TLE4: variants seen among roughly 807,000 people sequenced by gnomAD.
TLE4 encodes the protein TLE family member 4, transcriptional corepressor.
In TLE4, 8 loss-of-function variants were observed where a neutral mutation model predicts 92.8. The ratio of observed to expected loss-of-function variants is 0.09; its 90% CI spans 0.05 to 0.16. TLE4 has a LOEUF of 0.16. TLE4 is among the 10% of genes least tolerant of loss of function. The pLI, the probability that TLE4 is intolerant of heterozygous loss-of-function variation, is 1.00. For synonymous variants in TLE4, 371 were observed against 374.1 expected, an observed-to-expected ratio of 0.99 and a Z score of 0.10; for missense variants, 675 against 997.6, an observed-to-expected ratio of 0.68 and a Z score of 4.36.
At chr9:79,589,886 G>A (rs1164946580) in intron 4 of TLE4, among the ~76,000 whole-genome samples, 1 of 152,180 alleles carries the variant, frequency 6.6e-6, no homozygotes, top group Admixed American at 6.5e-5. Flanking sequence ...TTAGGGCAAA[G>A]TACATTATAT....
chr9:79,585,845 C>G (rs965400442), intron 4 of TLE4, among the ~76,000 whole-genome samples: 1 of 151,834 alleles, frequency 6.6e-6, no homozygotes, highest in Non-Finnish European at 1.5e-5. Flanking sequence ...AGCATTCCCC[C>G]CGTCCTGTGG....
intron 6 of TLE4, among the ~76,000 whole-genome samples, chr9:79,638,997 C>G (rs2056585264): frequency 6.6e-6 from 1 of 152,134 alleles, no homozygotes; most frequent in Admixed American, 6.6e-5. Flanking sequence ...GGGCAAGTGA[C>G]CCTATCCAGG....
chr9:79,716,211 A>G (rs1489681481), intron 14 of TLE4, among the ~76,000 whole-genome samples: 1 of 152,064 alleles, frequency 6.6e-6, no homozygotes, highest in Non-Finnish European at 1.5e-5. Flanking sequence ...TATGCTCTCC[A>G]CCGAATGCAC....
At chr9:79,633,927 G>A (rs2055018340) in intron 6 of TLE4, among the ~76,000 whole-genome samples, 1 of 152,162 alleles carries the variant, frequency 6.6e-6, no homozygotes, top group Non-Finnish European at 1.5e-5. Flanking sequence ...CAAGCACTTA[G>A]GTGAGGTTTT....
intron 6 of TLE4, among the ~76,000 whole-genome samples, chr9:79,630,709 C>T (rs1321722264): frequency 6.6e-6 from 1 of 152,112 alleles, no homozygotes; most frequent in Admixed American, 6.5e-5. Context: ...GTTTTCATTT[C>T]CTGTATTATT....
At chr9:79,721,615 CAT>C (rs2075657404) in intron 16 of TLE4, 124 bp from the exon 17 acceptor site, 1 of 1,412,960 alleles carries the variant, frequency 7.1e-7, no homozygotes. Context: ...AATTAGAAAC[CAT>C]AATAAACCAA....
intron 11 of TLE4, chr9:79,707,219 G>T: frequency 6.2e-7 from 1 of 1,611,846 alleles, no homozygotes; most frequent in Non-Finnish European, 8.5e-7. Flanking sequence ...GTGGTTTATG[G>T]TAAATTTAGT....
chr9:79,688,297 GT>G (rs928253156), intron 8 of TLE4, among the ~76,000 whole-genome samples: 1 of 152,102 alleles, frequency 6.6e-6, no homozygotes, highest in Non-Finnish European at 1.5e-5. Context: ...AGGTTACATA[GT>G]TTTTGTGACT....
intron 6 of TLE4, among the ~76,000 whole-genome samples, chr9:79,629,270 A>G (rs2053561472): frequency 6.6e-6 from 1 of 152,182 alleles, no homozygotes; most frequent in African/African-American, 2.4e-5. Flanking sequence ...AGCTAAATAA[A>G]AAACACTTTG....
At chr9:79,624,231 C>T (rs985724653) in intron 5 of TLE4, among the ~76,000 whole-genome samples, 3 of 149,716 alleles carry the variant, frequency 2.0e-5, no homozygotes, top group Non-Finnish European at 4.4e-5. Context: ...CTTTGGGCTT[C>T]CTTGCATGTT....
At chr9:79,684,589 C>G (rs2065414345) in intron 8 of TLE4, among the ~76,000 whole-genome samples, 1 of 152,212 alleles carries the variant, frequency 6.6e-6, no homozygotes, top group Non-Finnish European at 1.5e-5. Context: ...AACCAAACCA[C>G]TACCGCCACC....
chr9:79,703,587 C>T (rs767438741), intron 8 of TLE4, among the ~76,000 whole-genome samples: 1 of 152,168 alleles, frequency 6.6e-6, no homozygotes, highest in Non-Finnish European at 1.5e-5. Flanking sequence ...TCTTGTCACC[C>T]ACGTCTCTTG....
rs1224394017 is a variant in TLE4 at position 79,708,601 on chromosome 9, C to G, written c.1078C>G (p.Leu360Val). The G allele has an allele frequency of 1.4e-5, 22 of 1,612,462 alleles. No homozygotes were observed. Among genetic ancestry groups the G allele is most frequent in the East Asian group, 4.5e-5 (2 of 44,832 alleles). ...PPGVDPLASSLRTPMAVPCPY... is the reference protein window; with the variant it reads ...PPGVDPLASSVRTPMAVPCPY... ...TCCATTTTGGTTTGCAGCCTCAAGC[C>G]TAAGGACCCCAATGGCAGTACCTTG... Residue 360 changes from leucine (L) to valine (V), a missense_variant, in exon 13 of 20, where the codon CTA becomes GTA. Transcript: ENST00000376552.
chr9:79,632,256 G>A (rs528605509), intron 6 of TLE4, among the ~76,000 whole-genome samples: 19 of 152,290 alleles, frequency 1.2e-4, no homozygotes, highest in African/African-American at 3.6e-4. Context: ...AATGCTCCCC[G>A]CATTCTCTGG....
chr9:79,692,857 G>C (rs949816133), intron 8 of TLE4, among the ~76,000 whole-genome samples: 1 of 152,146 alleles, frequency 6.6e-6, no homozygotes, highest in Non-Finnish European at 1.5e-5. Flanking sequence ...TCAGGGGTTA[G>C]GTTTCACCAT....
chr9:79,628,911 T>C (rs2053443435), intron 6 of TLE4, among the ~76,000 whole-genome samples: 1 of 148,894 alleles, frequency 6.7e-6, no homozygotes, highest in Admixed American at 6.6e-5. Context: ...TGTGTGTGTA[T>C]ATGTATAAAC....
chr9:79,632,791 T>A (rs941833284), intron 6 of TLE4, among the ~76,000 whole-genome samples: 1 of 152,220 alleles, frequency 6.6e-6, no homozygotes, highest in South Asian at 2.1e-4. Context: ...TATCAGAGAT[T>A]GTTATTTCAG....
chr9:79,679,267 C>A (rs964226207), intron 8 of TLE4, among the ~76,000 whole-genome samples: 8 of 152,054 alleles, frequency 5.3e-5, no homozygotes, highest in South Asian at 2.1e-4. Flanking sequence ...ATTTCTCCAC[C>A]TCCTCTCCAA....
chr9:79,625,558 A>G (rs945787554), intron 5 of TLE4, among the ~76,000 whole-genome samples: 7 of 151,554 alleles, frequency 4.6e-5, no homozygotes, highest in Admixed American at 1.3e-4. Flanking sequence ...AAACATTTCT[A>G]TCCTACTTTT....
Sources: allele counts gnomAD v4.1 joint callset (sites outside exome capture counted in the v4.1 genomes callset), GRCh38; gene constraint gnomAD v4.1.1; transcripts MANE v1.5; gene names NCBI Gene and HGNC (gene_info 2026-07-23, HGNC 2026-07-21).